Variants in DLG2 observed in about 807,000 individuals in gnomAD.
DLG2 encodes the protein discs large MAGUK scaffold protein 2, also known as disks large homolog 2.
A neutral mutation model predicts 132.5 loss-of-function variants in DLG2; 45 were observed. The ratio of observed to expected loss-of-function variants is 0.34; its 90% CI spans 0.27 to 0.44. DLG2 has a LOEUF of 0.44. DLG2 is among the 20% of genes least tolerant of loss of function. The pLI, the probability that DLG2 is intolerant of heterozygous loss-of-function variation, is 1.00. For synonymous variants in DLG2, 424 were observed against 419.6 expected, an observed-to-expected ratio of 1.01 and a Z score of -0.13; for missense variants, 1,045 against 1,196.9, an observed-to-expected ratio of 0.87 and a Z score of 1.87.
intron 7 of DLG2, among the ~76,000 whole-genome samples, chr11:84,487,898 G>A (rs147505361): frequency 3.9e-5 from 6 of 151,980 alleles, no homozygotes; most frequent in African/African-American, 4.8e-5. Context: ...GAACAAATAC[G>A]GAAGGAAAAA....
At chr11:84,561,775 T>C (rs1476887757) in intron 6 of DLG2, among the ~76,000 whole-genome samples, 2 of 152,190 alleles carry the variant, frequency 1.3e-5, no homozygotes, top group African/African-American at 4.8e-5. Context: ...AAATTGTTAG[T>C]TAATAAGTAT....
intron 7 of DLG2, among the ~76,000 whole-genome samples, chr11:84,507,111 A>T (rs934631020): frequency 6.6e-6 from 1 of 152,224 alleles, no homozygotes; most frequent in African/African-American, 2.4e-5. Flanking sequence ...ATTAGTTGGC[A>T]TCAAGTTTCT....
At chr11:83,990,825 T>C (rs1466160517) in intron 11 of DLG2, among the ~76,000 whole-genome samples, 2 of 152,180 alleles carry the variant, frequency 1.3e-5, no homozygotes, top group African/African-American at 2.4e-5. Flanking sequence ...AGGTGTTTAC[T>C]GCTTTACAGA....
intron 4 of DLG2, among the ~76,000 whole-genome samples, chr11:85,202,783 G>A (rs752318942): frequency 2.6e-5 from 4 of 151,902 alleles, no homozygotes; most frequent in Non-Finnish European, 2.9e-5. Context: ...TAAACAACAT[G>A]CTCATGAACA....
intron 17 of DLG2, among the ~76,000 whole-genome samples, chr11:83,818,330 T>C (rs1486966767): frequency 2.0e-5 from 3 of 152,190 alleles, no homozygotes; most frequent in Non-Finnish European, 4.4e-5. Flanking sequence ...AAATCGTTTA[T>C]CTTAGACTTG....
chr11:85,481,782 T>C (rs987802193), intron 3 of DLG2, among the ~76,000 whole-genome samples: 3 of 151,920 alleles, frequency 2.0e-5, no homozygotes, highest in African/African-American at 7.3e-5. Flanking sequence ...GTCCTAGTCA[T>C]TGGGCCAGAA....
rs1048391132 is a variant in DLG2 at position 83,739,208 on chromosome 11, T to C, written c.1825+47482A>G. Among the ~76,000 whole-genome samples, 5 of 152,304 alleles carry C rather than the reference T, an allele frequency of 3.3e-5. No homozygotes were observed. In the South Asian group the frequency reaches 1.0e-3, roughly 32 times the overall value. On this transcript the variant is annotated intron_variant, in intron 18 of 27. Transcript: ENST00000376104. ...GGTTAAGATAATTTGAATCACAGAA[T>C]CTTTACAGTATTTTGTAATAATCTG...
intron 7 of DLG2, among the ~76,000 whole-genome samples, chr11:84,314,463 C>T (rs1004500496): frequency 2.0e-5 from 3 of 151,982 alleles, no homozygotes; most frequent in Non-Finnish European, 2.9e-5. Flanking sequence ...GTGTATAGTA[C>T]TAACACATCT....
intron 21 of DLG2, among the ~76,000 whole-genome samples, chr11:83,522,341 A>G (rs2095502645): frequency 6.7e-6 from 1 of 148,480 alleles, no homozygotes; most frequent in South Asian, 2.2e-4. Context: ...GTACCAAAAG[A>G]AAGTCTTGGG....
chr11:83,711,726 T>C (rs565946671), intron 18 of DLG2, among the ~76,000 whole-genome samples: 36 of 152,294 alleles, frequency 2.4e-4, no homozygotes, highest in South Asian at 6.2e-4. Context: ...GGTGTTTCCA[T>C]TGCCTGTCTT....
chr11:84,121,911 T>C (rs1348939275), intron 9 of DLG2, among the ~76,000 whole-genome samples: 1 of 152,112 alleles, frequency 6.6e-6, no homozygotes, highest in Non-Finnish European at 1.5e-5. Flanking sequence ...AAATTTTATA[T>C]TTGAATAATG....
At chr11:85,381,002 A>G (rs1596692897) in intron 3 of DLG2, among the ~76,000 whole-genome samples, 3 of 152,160 alleles carry the variant, frequency 2.0e-5, no homozygotes, top group Admixed American at 1.3e-4. Context: ...TTTATCTTCT[A>G]TTTCCCAGAA....
chr11:84,422,237 C>T (rs1399969290), intron 7 of DLG2, among the ~76,000 whole-genome samples: 1 of 152,192 alleles, frequency 6.6e-6, no homozygotes, highest in Non-Finnish European at 1.5e-5. Flanking sequence ...GGAGCACTTA[C>T]TGTATGCAGC....
intron 7 of DLG2, among the ~76,000 whole-genome samples, chr11:84,365,882 A>G (rs897557497): frequency 6.6e-6 from 1 of 152,090 alleles, no homozygotes; most frequent in African/African-American, 2.4e-5. Context: ...AAGTTGGAAA[A>G]CACTCTGCAG....
At chr11:83,890,232 A>G (rs2154085003) in intron 15 of DLG2, among the ~76,000 whole-genome samples, 1 of 152,256 alleles carries the variant, frequency 6.6e-6, no homozygotes, top group East Asian at 1.9e-4. Context: ...TCTAATTCAA[A>G]TTGCCCTGGA....
chr11:83,605,119 C>T (rs906864488), intron 19 of DLG2, among the ~76,000 whole-genome samples: 1 of 151,408 alleles, frequency 6.6e-6, no homozygotes, highest in African/African-American at 2.4e-5. Context: ...CTGATTTAAC[C>T]CTATGAGGAG....
chr11:84,546,335 G>A (rs755212093), intron 6 of DLG2, among the ~76,000 whole-genome samples: 3 of 152,096 alleles, frequency 2.0e-5, no homozygotes. Context: ...CTTCCTGTTT[G>A]CCTTCTGCCA....
chr11:85,211,457 A>G (rs576638030), intron 4 of DLG2, among the ~76,000 whole-genome samples: 1 of 152,236 alleles, frequency 6.6e-6, no homozygotes, highest in African/African-American at 2.4e-5. Flanking sequence ...AACCCCAACA[A>G]CTAAGTTCCC....
At chr11:83,807,717 C>A (rs541871372) in intron 17 of DLG2, among the ~76,000 whole-genome samples, 52 of 152,252 alleles carry the variant, frequency 3.4e-4, no homozygotes, top group Middle Eastern at 3.4e-3. Context: ...AAAGATAATA[C>A]TAGTTACTGA....
Sources: allele counts gnomAD v4.1 joint callset (sites outside exome capture counted in the v4.1 genomes callset), GRCh38; gene constraint gnomAD v4.1.1; transcripts MANE v1.5; gene names NCBI Gene and HGNC (gene_info 2026-07-23, HGNC 2026-07-21).